Variants in ICA1 observed in about 807,000 individuals in gnomAD.
The protein encoded by ICA1 is 69 kDa islet cell autoantigen.
Under a neutral mutation model 71.0 loss-of-function variants are expected in ICA1, and 40 were observed. The observed-to-expected ratio is 0.56, with a 90% CI of 0.44 to 0.73. The LOEUF (loss-of-function observed/expected upper bound fraction) is 0.73, where lower values mean the gene tolerates loss of function less well. Among genes scored for constraint, ICA1 ranks in the 30% least tolerant of loss-of-function variants. The pLI, the probability that ICA1 is intolerant of heterozygous loss-of-function variation, is 0.00. For missense variants in ICA1, 578 were observed against 576.5 expected (o/e 1.00, Z -0.03); for synonymous variants, 207 against 209.5 (o/e 0.99, Z 0.10).
chr7:8,219,250 C>T (rs1796306010), intron 5 of ICA1, among the ~76,000 whole-genome samples: 1 of 152,232 alleles, frequency 6.6e-6, no homozygotes, highest in African/African-American at 2.4e-5. Context: ...AACACTGCTT[C>T]TTCCATCTCC....
chr7:8,197,179 G>A (rs1243461342), intron 6 of ICA1, among the ~76,000 whole-genome samples: 9 of 150,686 alleles, frequency 6.0e-5, no homozygotes, highest in Non-Finnish European at 1.3e-4. Flanking sequence ...AAAAAAAAAA[G>A]ACAGATGGTA....
chr7:8,193,496 G>A (rs761806078), intron 6 of ICA1, among the ~76,000 whole-genome samples: 112 of 152,132 alleles, frequency 7.4e-4, no homozygotes, highest in Non-Finnish European at 1.2e-3. Context: ...AAGAGACGAC[G>A]TCTGCTAACT....
chr7:8,218,469 G>C lies in ICA1; in HGVS notation c.415C>G (p.Gln139Glu). Residue 139 changes from glutamine to glutamate, a missense_variant, in exon 6 of 14, where the codon CAA (glutamine) becomes GAA (glutamate). Gln to Glu is a conservative substitution (Grantham distance 29, BLOSUM62 2). Coordinates refer to ENST00000402384, the MANE Select transcript of ICA1 (RefSeq NM_001136020.3). ...CGATGCCGAAAAGTCTCCACTTCTT[G>C]GTGAAATCGACACAAAGGATTTCGT... Reference protein sequence around the residue: ...ALRNPLCRFHQEVETFRHRAI... With the variant: ...ALRNPLCRFHEEVETFRHRAI... 2 of 1,614,056 alleles carry C rather than the reference G, an allele frequency of 1.2e-6. No homozygotes were observed. Among genetic ancestry groups the C allele is most frequent in the Non-Finnish European group, 1.7e-6 (2 of 1,179,992 alleles).
chr7:8,244,919 G>C (rs916159109), intron 1 of ICA1, among the ~76,000 whole-genome samples: 7 of 152,202 alleles, frequency 4.6e-5, no homozygotes, highest in African/African-American at 1.7e-4. Context: ...ACAGGTGCTG[G>C]AGAGGATGTG....
At position 8,204,539 on chromosome 7, in the gene ICA1, A is replaced by C. The variant is rs79142582; in HGVS notation, c.579+13766T>G. On this transcript the variant is annotated intron_variant, in intron 6 of 13. Coordinates refer to ENST00000402384, the MANE Select transcript of ICA1 (RefSeq NM_001136020.3). ...ATGTACATATTTAAAGAGCTGCTAC[A>C]TCTATCTACAAGGCAGAATGTTAGG... is the stretch of plus-strand genomic sequence containing the variant. Among the ~76,000 whole-genome samples the C allele has an allele frequency of 2.8e-3, 432 of 152,372 alleles. 1 individual carries two copies. Among genetic ancestry groups the C allele is most frequent in the African/African-American group, 8.5e-3 (352 of 41,598 alleles).
rs57343882 is a variant in ICA1 at position 8,237,819 on chromosome 7, G to GACACACACACACAC, written c.-79-1828_-79-1815dup. 2.4e-3 allele frequency among the ~76,000 whole-genome samples: 340 copies of GACACACACACACAC among 142,154 alleles called. 2 individuals are homozygous for GACACACACACACAC. Among genetic ancestry groups the GACACACACACACAC allele is most frequent in the African/African-American group, 5.2e-3 (204 of 39,486 alleles). 93.3% of individuals were successfully genotyped at this position (142,154 alleles called of 152,430 possible). ...CATTGTATATGCAATGTTGAAGACAGACACACACACACACACACACACACA... is the reference window on the plus strand; with the variant it reads ...CATTGTATATGCAATGTTGAAGACAGACACACACACACACACACACACACACACACACACACACA... On this transcript the variant is annotated intron_variant, in intron 1 of 13. Transcript: ENST00000402384.
chr7:8,196,043 A>T (rs1156465665), intron 6 of ICA1, among the ~76,000 whole-genome samples: 1 of 152,188 alleles, frequency 6.6e-6, no homozygotes, highest in Non-Finnish European at 1.5e-5. Flanking sequence ...AAAATTCCAC[A>T]TAAGAACCTA....
At chr7:8,210,545 C>A (rs1793313864) in intron 6 of ICA1, among the ~76,000 whole-genome samples, 1 of 151,788 alleles carries the variant, frequency 6.6e-6, no homozygotes, top group Non-Finnish European at 1.5e-5. Flanking sequence ...ATTAACAGAC[C>A]ACTATATAAT....
intron 9 of ICA1, among the ~76,000 whole-genome samples, chr7:8,142,689 C>T (rs1795633723): frequency 6.6e-6 from 1 of 152,284 alleles, no homozygotes; most frequent in South Asian, 2.1e-4. Context: ...AAAATCCCAG[C>T]CTTGACGTCA....
At chr7:8,218,540 G>C (rs901270459) in intron 5 of ICA1, 37 bp from the exon 6 acceptor site, 3 of 1,555,962 alleles carry the variant, frequency 1.9e-6, no homozygotes, top group Non-Finnish European at 2.7e-6. Context: ...TCAAAACTAA[G>C]CCAGTGAGCA....
intron 4 of ICA1, among the ~76,000 whole-genome samples, chr7:8,228,037 T>C (rs1275986144): frequency 6.6e-6 from 1 of 152,194 alleles, no homozygotes; most frequent in Non-Finnish European, 1.5e-5. Flanking sequence ...ATTATTAAAA[T>C]GACCTACAAA....
At chr7:8,215,949 C>T (rs916323327) in intron 6 of ICA1, among the ~76,000 whole-genome samples, 14 of 152,196 alleles carry the variant, frequency 9.2e-5, no homozygotes, top group African/African-American at 2.4e-4. Context: ...TGGAATCCTA[C>T]TGGGACAAAA....
At chr7:8,147,497 AG>A (rs1159229206) in intron 8 of ICA1, among the ~76,000 whole-genome samples, 2 of 152,172 alleles carry the variant, frequency 1.3e-5, no homozygotes, top group African/African-American at 2.4e-5. Flanking sequence ...AGCTCAAGAC[AG>A]GTGCTAAATA....
intron 9 of ICA1, chr7:8,142,112 T>C (rs1384180728): frequency 1.4e-5 from 11 of 814,302 alleles, no homozygotes; most frequent in Admixed American, 6.4e-5. Flanking sequence ...ACCTTAAAAA[T>C]AGTAAAAATT....
intron 6 of ICA1, among the ~76,000 whole-genome samples, chr7:8,189,933 T>C (rs1192409284): frequency 2.0e-5 from 3 of 152,232 alleles, no homozygotes; most frequent in African/African-American, 4.8e-5. Context: ...CCTATTTCAC[T>C]TGAAGGCCCA....
intron 8 of ICA1, among the ~76,000 whole-genome samples, chr7:8,152,046 T>A (rs896494431): frequency 2.6e-5 from 4 of 152,186 alleles, no homozygotes; most frequent in African/African-American, 4.8e-5. Flanking sequence ...GAGGCCCTAC[T>A]GCCTTTCCTG....
chr7:8,121,727 G>C (rs750721912), intron 13 of ICA1, among the ~76,000 whole-genome samples: 1 of 152,092 alleles, frequency 6.6e-6, no homozygotes, highest in African/African-American at 2.4e-5. Flanking sequence ...ATAATTTACA[G>C]TACATTTAAA....
At chr7:8,146,742 CGTGTGT>C (rs111464131) in intron 8 of ICA1, among the ~76,000 whole-genome samples, 14 of 143,768 alleles carry the variant, frequency 9.7e-5, no homozygotes, top group African/African-American at 3.1e-4. Context: ...TGTGCGTGTG[CGTGTGT>C]GTGTGTGTGT....
At chr7:8,152,179 A>G (rs1465311053) in intron 8 of ICA1, among the ~76,000 whole-genome samples, 2 of 152,060 alleles carry the variant, frequency 1.3e-5, no homozygotes, top group East Asian at 3.9e-4. Context: ...AAAGCCAGGC[A>G]GGGGGTGGGT....
Sources: allele counts gnomAD v4.1 joint callset (sites outside exome capture counted in the v4.1 genomes callset), GRCh38; gene constraint gnomAD v4.1.1; transcripts MANE v1.5; gene names NCBI Gene and HGNC (gene_info 2026-07-23, HGNC 2026-07-21).